TENM4: variants seen among roughly 807,000 people sequenced by gnomAD.
The protein encoded by TENM4 is teneurin transmembrane protein 4.
A neutral mutation model predicts 243.3 loss-of-function variants in TENM4; 82 were observed. That is an observed-to-expected ratio of 0.34 (90% confidence interval 0.28 to 0.40). TENM4 has a LOEUF of 0.40. Ranked by LOEUF, TENM4 falls within the 10% of genes least tolerant of loss-of-function variation. The pLI is 1.00. For synonymous variants in TENM4, 1,412 were observed against 1,456.3 expected (o/e 0.97, Z 0.69); for missense variants, 3,138 against 3,673.3 (o/e 0.85, Z 3.77).
intron 6 of TENM4, among the ~76,000 whole-genome samples, chr11:78,910,768 T>C (rs1176858432): frequency 1.3e-5 from 2 of 152,226 alleles, no homozygotes; most frequent in African/African-American, 4.8e-5. Context: ...CTTTTTGTAG[T>C]GTTTTCTCTG....
intron 1 of TENM4, among the ~76,000 whole-genome samples, chr11:79,415,776 G>T (rs1264332111): frequency 6.6e-6 from 1 of 152,076 alleles, no homozygotes; most frequent in Non-Finnish European, 1.5e-5. Context: ...TGTTTAAATT[G>T]CACAACCTGA....
At position 78,712,473 on chromosome 11, in the gene TENM4, A is replaced by G; in HGVS notation, c.4054+9T>C. ...TGTTATTGACAATGTCTCTAAGGCA[A>G]GGCCTTACCCCTGGGATTGGTGAGT... On this transcript the variant is annotated intron_variant, in intron 26 of 33. Coordinates refer to ENST00000278550, the MANE Select transcript of TENM4 (RefSeq NM_001098816.3). 6.2e-7 allele frequency: 1 copy of G among 1,610,220 alleles called. No homozygotes were observed. The highest frequency in any genetic ancestry group is 8.5e-7 in the Non-Finnish European group (1 of 1,176,624).
At chr11:79,424,986 T>C (rs992116418) in intron 1 of TENM4, among the ~76,000 whole-genome samples, 14 of 152,110 alleles carry the variant, frequency 9.2e-5, no homozygotes, top group Non-Finnish European at 2.1e-4. Context: ...CTGGTCTAGT[T>C]GTGGCTCAGC....
At chr11:79,143,415 C>G (rs1053723702) in intron 4 of TENM4, among the ~76,000 whole-genome samples, 2 of 152,058 alleles carry the variant, frequency 1.3e-5, no homozygotes, top group Non-Finnish European at 2.9e-5. Flanking sequence ...TCTGAGCAAA[C>G]TATCGCAAGG....
At chr11:79,282,258 T>C (rs1856169833) in intron 2 of TENM4, among the ~76,000 whole-genome samples, 1 of 152,194 alleles carries the variant, frequency 6.6e-6, no homozygotes, top group Non-Finnish European at 1.5e-5. Flanking sequence ...AGCAATTGTT[T>C]GTATAGAGTC....
At chr11:79,322,048 A>C (rs982375994) in intron 1 of TENM4, among the ~76,000 whole-genome samples, 1 of 152,162 alleles carries the variant, frequency 6.6e-6, no homozygotes, top group African/African-American at 2.4e-5. Context: ...AATGACAGGA[A>C]ACAGGGAGGG....
Position 78,669,339 on chromosome 11 carries a change from A to T in TENM4, c.7006T>A (p.Ser2336Thr), listed in dbSNP as rs1487526152. 1 of 1,613,810 alleles carries T rather than the reference A, an allele frequency of 6.2e-7. No individual in the cohort carries two copies. Among genetic ancestry groups the T allele is most frequent in the Non-Finnish European group, 8.5e-7 (1 of 1,179,814 alleles). ...LYNHSSSEIT[S>T]LYYDLQGHLF... ...TGTCCTTGCAAGTCGTAGTAGAGGG[A>T]GGTGATCTCAGAGCTGGAGTGGTTG... Residue 2336 changes from serine to threonine, a missense_variant, in exon 32 of 34, where the codon TCC (serine) becomes ACC (threonine). Transcript: ENST00000278550. The surrounding 1 kb of genome is among the most constrained non-coding windows in gnomAD (Gnocchi z 6.4).
chr11:78,697,187 A>G (rs1010090879), intron 28 of TENM4, among the ~76,000 whole-genome samples: 6 of 152,210 alleles, frequency 3.9e-5, no homozygotes, highest in African/African-American at 1.4e-4. Context: ...TACAGCCTCC[A>G]AGGGCTTCAG....
chr11:78,913,580 G>GGTGTGTGTGT (rs1403545697), intron 6 of TENM4, among the ~76,000 whole-genome samples: 1 of 126,350 alleles, frequency 7.9e-6, no homozygotes, highest in African/African-American at 3.0e-5. Flanking sequence ...ATGGGTAAGA[G>GGTGTGTGTGT]GTATGTGTGT....
At chr11:78,855,576 G>C (rs983630110) in intron 11 of TENM4, among the ~76,000 whole-genome samples, 18 of 152,210 alleles carry the variant, frequency 1.2e-4, no homozygotes, top group African/African-American at 4.3e-4. Context: ...GCATCTTATA[G>C]ATGAGGAAAC....
chr11:79,301,946 C>A (rs537869568), intron 1 of TENM4, among the ~76,000 whole-genome samples: 2 of 152,132 alleles, frequency 1.3e-5, no homozygotes, highest in Non-Finnish European at 2.9e-5. Context: ...GTCAATTAAA[C>A]CTCTTTTCTT....
At chr11:78,840,988 A>C (rs574296655) in intron 12 of TENM4, among the ~76,000 whole-genome samples, 32 of 152,322 alleles carry the variant, frequency 2.1e-4, no homozygotes, top group Admixed American at 6.5e-4. Context: ...AAGTTAGGTA[A>C]TGCAGGTATA....
At chr11:79,159,457 G>A (rs1862695391) in intron 3 of TENM4, among the ~76,000 whole-genome samples, 1 of 152,176 alleles carries the variant, frequency 6.6e-6, no homozygotes, top group African/African-American at 2.4e-5. Context: ...AACATGGCTA[G>A]CCTGTTTTCA....
intron 6 of TENM4, among the ~76,000 whole-genome samples, chr11:79,027,660 A>G (rs756051883): frequency 1.3e-5 from 2 of 152,178 alleles, no homozygotes; most frequent in African/African-American, 4.8e-5. Context: ...TCTCGAATCC[A>G]TATCTCTCAT....
At position 78,889,962 on chromosome 11, in the gene TENM4, A is replaced by T. The variant is rs570928368; in HGVS notation, c.907T>A (p.Tyr303Asn). Reference sequence around the variant, plus strand: ...TACACTGTGCTGGACGTCAGTGGGTACCCTGGTGATGTGGTGCAGAAGAGC... The same window carrying T: ...TACACTGTGCTGGACGTCAGTGGGTTCCCTGGTGATGTGGTGCAGAAGAGC... ...SPLFCTTSPGYPLTSSTVYSP... is the reference protein window; with the variant it reads ...SPLFCTTSPGNPLTSSTVYSP... The change falls in exon 9 of 34, where the codon TAC becomes AAC. Residue 303 changes from tyrosine (Y) to asparagine (N), a missense_variant. Physicochemically the swap from Tyr to Asn is moderately radical, Grantham distance 143. This residue lies in a region of TENM4 where 671 missense variants were observed against 614.1 expected (regional missense o/e 1.09). Transcript: ENST00000278550. 1 of 1,551,438 alleles carries T rather than the reference A, an allele frequency of 6.4e-7. No individual in the cohort carries two copies. The highest frequency in any genetic ancestry group is 1.2e-5 in the South Asian group (1 of 84,036).
chr11:79,234,489 A>AG (rs58309382), intron 2 of TENM4, among the ~76,000 whole-genome samples: 26,734 of 152,138 alleles, frequency 0.18, 4,587 homozygotes, highest in African/African-American at 0.44. Flanking sequence ...TAGCTCACAA[A>AG]GGCCTGTTAA....
Position 79,120,973 on chromosome 11 carries a change from G to A in TENM4, c.-66+27737C>T, listed in dbSNP as rs1048890824. Among the ~76,000 whole-genome samples, 3 of 152,296 alleles carry A rather than the reference G, an allele frequency of 2.0e-5. No individual in the cohort carries two copies. The East Asian group carries it at 5.8e-4, about 29-fold the overall frequency. Reference sequence around the variant, plus strand: ...CGGGAGCTTATATAACTTGCCCAAAGTCACACATTAGTAATGGGAGAGCTT... The same window carrying A: ...CGGGAGCTTATATAACTTGCCCAAAATCACACATTAGTAATGGGAGAGCTT... On this transcript the variant is annotated intron_variant, in intron 4 of 33. Coordinates refer to ENST00000278550, the MANE Select transcript of TENM4 (RefSeq NM_001098816.3).
intron 2 of TENM4, among the ~76,000 whole-genome samples, chr11:79,235,966 A>G (rs1447403047): frequency 1.3e-5 from 2 of 151,966 alleles, no homozygotes; most frequent in Admixed American, 1.3e-4. Context: ...GCATTCATAC[A>G]ATGCATAGGA....
At chr11:78,987,320 A>G (rs562602554) in intron 6 of TENM4, among the ~76,000 whole-genome samples, 2 of 152,122 alleles carry the variant, frequency 1.3e-5, no homozygotes, top group Non-Finnish European at 2.9e-5. Flanking sequence ...AAAAAAAACT[A>G]TTGATAAATG....
Sources: allele counts gnomAD v4.1 joint callset (sites outside exome capture counted in the v4.1 genomes callset), GRCh38; gene constraint gnomAD v4.1.1; regional missense constraint gnomAD v4.1.1; non-coding constraint Gnocchi (gnomAD v3.1); transcripts MANE v1.5; gene names NCBI Gene and HGNC (gene_info 2026-07-23, HGNC 2026-07-21).